Variants in WRN observed in about 807,000 individuals in gnomAD.
The protein encoded by WRN is bifunctional 3'-5' exonuclease/ATP-dependent helicase WRN.
A neutral mutation model predicts 180.7 loss-of-function variants in WRN; 149 were observed. The ratio of observed to expected loss-of-function variants is 0.82; its 90% CI spans 0.72 to 0.94. WRN has a LOEUF of 0.94. Ranked by LOEUF, WRN falls within the 40% of genes least tolerant of loss-of-function variation. The pLI, the probability that WRN is intolerant of heterozygous loss-of-function variation, is 0.00. For synonymous variants in WRN, 548 were observed against 568.9 expected, an observed-to-expected ratio of 0.96 and a Z score of 0.52; for missense variants, 1,661 against 1,700.1, an observed-to-expected ratio of 0.98 and a Z score of 0.40.
At position 31,141,431 on chromosome 8, in the gene WRN, A is replaced by G; in HGVS notation, c.2969A>G (p.Asn990Ser). Reference sequence around the variant, plus strand: ...TACTGATTTTATTCCTAATTTCAGAATTCTCAGCGTCTTGCCGATCAATAT... The same window carrying G: ...TACTGATTTTATTCCTAATTTCAGAGTTCTCAGCGTCTTGCCGATCAATAT... ...GLPILFLRGS[N>S]SQRLADQYRR... The change falls in exon 25 of 35, where the codon AAT (asparagine) becomes AGT (serine). Residue 990 changes from asparagine (N) to serine (S), a missense_variant and splice_region_variant. Coordinates refer to ENST00000298139, the MANE Select transcript of WRN (RefSeq NM_000553.6). 1 of 1,614,166 alleles carries G rather than the reference A, an allele frequency of 6.2e-7. No individual in the cohort carries two copies. Among genetic ancestry groups the G allele is most frequent in the Non-Finnish European group, 8.5e-7 (1 of 1,180,034 alleles).
At chr8:31,110,888 T>C (rs1801286145) in intron 18 of WRN, among the ~76,000 whole-genome samples, 1 of 152,192 alleles carries the variant, frequency 6.6e-6, no homozygotes, top group South Asian at 2.1e-4. Context: ...GTTCTAGTTT[T>C]AGGGGAGGCA....
intron 1 of WRN, among the ~76,000 whole-genome samples, chr8:31,042,889 T>A (rs1380570867): frequency 6.6e-6 from 1 of 152,206 alleles, no homozygotes; most frequent in Non-Finnish European, 1.5e-5. Flanking sequence ...AATAGGGAAT[T>A]GTTAAATTAT....
At chr8:31,147,003 A>G (rs370318914) in intron 28 of WRN, 50 bp from the exon 29 acceptor site, 90 of 1,474,466 alleles carry the variant, frequency 6.1e-5, no homozygotes, top group Non-Finnish European at 8.1e-5. Context: ...TAGAAAGTCA[A>G]TGAGGAGAAA....
chr8:31,061,310 T>A (rs1188070948), intron 3 of WRN, among the ~76,000 whole-genome samples: 4 of 152,100 alleles, frequency 2.6e-5, no homozygotes, highest in East Asian at 3.8e-4. Flanking sequence ...ATTTTGTTTA[T>A]CTCTAGAAGT....
chr8:31,072,497 G>A (rs966945463), intron 7 of WRN, among the ~76,000 whole-genome samples: 1 of 152,092 alleles, frequency 6.6e-6, no homozygotes, highest in African/African-American at 2.4e-5. Context: ...GAGTAGGTTA[G>A]ATCTGAGGAA....
intron 23 of WRN, among the ~76,000 whole-genome samples, chr8:31,125,535 G>GT (rs1563366155): frequency 4.6e-5 from 1 of 21,842 alleles, no homozygotes; most frequent in East Asian, 2.5e-3. Context: ...TGATATTATG[G>GT]AGATATATAT....
At position 31,081,500 on chromosome 8, in the gene WRN, C is replaced by G. The variant is rs2725381; in HGVS notation, c.1269+204C>G. Reference sequence around the variant, plus strand: ...CTGTCTTTCAATAAAACTTTATCTACAAATACAGATAGTGGGCCACATTTG... The same window carrying G: ...CTGTCTTTCAATAAAACTTTATCTAGAAATACAGATAGTGGGCCACATTTG... On this transcript the variant is annotated intron_variant, in intron 9 of 34. Transcript: ENST00000298139. 0.047 allele frequency among the ~76,000 whole-genome samples: 7,186 copies of G among 152,264 alleles called. 441 individuals carry two copies. The highest frequency in any genetic ancestry group is 0.27 in the East Asian group (1,377 of 5,172).
chr8:31,165,669 G>A (rs1473377828), intron 33 of WRN, among the ~76,000 whole-genome samples: 2 of 152,054 alleles, frequency 1.3e-5, no homozygotes, highest in Non-Finnish European at 2.9e-5. Flanking sequence ...TACTTGATCT[G>A]TGTTTAGCTT....
In WRN at chr8:31,120,339, T is replaced by C. The variant is rs757089385; in HGVS notation, c.2545T>C (p.Tyr849His). ...YGAPKDMESYYQEIGRAGRDG... is the reference protein window; with the variant it reads ...YGAPKDMESYHQEIGRAGRDG... ...TGCTCCTAAGGACATGGAATCATAT[T>C]ATCAGGAGATTGGTAGAGCTGGTCG... Residue 849 changes from tyrosine to histidine, a missense_variant, in exon 21 of 35, where the codon TAT (tyrosine) becomes CAT (histidine). By Grantham distance (83) the Tyr-to-His change is moderately conservative (BLOSUM62 2). This residue lies in a region of WRN where 1,141 missense variants were observed against 1,149.4 expected (regional missense o/e 0.99). Coordinates refer to ENST00000298139, the MANE Select transcript of WRN (RefSeq NM_000553.6). 6.2e-7 allele frequency: 1 copy of C among 1,613,052 alleles called. No homozygotes were observed. The highest frequency in any genetic ancestry group is 1.1e-5 in the South Asian group (1 of 91,044).
intron 21 of WRN, among the ~76,000 whole-genome samples, chr8:31,124,194 A>G (rs1801830500): frequency 6.6e-6 from 1 of 152,118 alleles, no homozygotes; most frequent in Admixed American, 6.6e-5. Context: ...TTTGAAGCCA[A>G]AAAGTGTGTG....
chr8:31,157,240 A>G, intron 32 of WRN, 128 bp from the exon 33 acceptor site: 1 of 1,347,002 alleles, frequency 7.4e-7, no homozygotes, highest in Non-Finnish European at 1.0e-6. Context: ...GAAAAACTTA[A>G]GTAAAGGTTT....
chr8:31,087,318 T>G (rs1046434328), intron 11 of WRN, among the ~76,000 whole-genome samples: 19 of 152,258 alleles, frequency 1.2e-4, no homozygotes, highest in Non-Finnish European at 2.4e-4. Flanking sequence ...TTTGTTGTTT[T>G]GACAATTCCA....
chr8:31,123,152 A>G (rs929197371), intron 21 of WRN, among the ~76,000 whole-genome samples: 3 of 152,010 alleles, frequency 2.0e-5, no homozygotes, highest in Non-Finnish European at 4.4e-5. Flanking sequence ...GACTTCCCTT[A>G]GAATCATCCC....
chr8:31,152,546 TA>T (rs1010465043), intron 31 of WRN, among the ~76,000 whole-genome samples: 68 of 142,760 alleles, frequency 4.8e-4, no homozygotes, highest in Middle Eastern at 3.5e-3. Context: ...CAATAAACCT[TA>T]AAAAAAAAAA....
intron 23 of WRN, among the ~76,000 whole-genome samples, chr8:31,130,828 A>C (rs1213811742): frequency 6.6e-6 from 1 of 152,186 alleles, no homozygotes; most frequent in Non-Finnish European, 1.5e-5. Flanking sequence ...CTAATTGAAC[A>C]AGGTATGCAA....
chr8:31,098,248 T>C (rs1362294470), intron 17 of WRN, among the ~76,000 whole-genome samples: 1 of 152,234 alleles, frequency 6.6e-6, no homozygotes, highest in African/African-American at 2.4e-5. Flanking sequence ...TATTTCACTT[T>C]GGATTAAGAA....
chr8:31,175,482 C>G lies in WRN; in HGVS notation c.*2380C>G, dbSNP rs1280761175. Among the ~76,000 whole-genome samples, 1 of 152,102 alleles carries G rather than the reference C, an allele frequency of 6.6e-6. No individual in the cohort carries two copies. Among genetic ancestry groups the G allele is most frequent in the Non-Finnish European group, 1.5e-5 (1 of 68,006 alleles). On this transcript the variant is annotated 3_prime_UTR_variant, in exon 35 of 35. Coordinates refer to ENST00000298139, the MANE Select transcript of WRN (RefSeq NM_000553.6). Reference sequence around the variant, plus strand: ...CTGGGTAAAAGATCTGTTCAGAGTACAAGATGGACCAATGGATTTGATATA... The same window carrying G: ...CTGGGTAAAAGATCTGTTCAGAGTAGAAGATGGACCAATGGATTTGATATA...
Position 31,141,723 on chromosome 8 carries a change from C to T in WRN, c.3181C>T (p.Leu1061Phe), listed in dbSNP as rs1255162714. The T allele has an allele frequency of 6.2e-7, 1 of 1,614,136 alleles. No individual in the cohort carries two copies. Among genetic ancestry groups the T allele is most frequent in the Admixed American group, 1.7e-5 (1 of 60,026 alleles). Reference sequence around the variant, plus strand: ...TAAAGCTAATACAGAATCTCAGAGCCTCATCCTTCAAGCTAATGAAGAATT... The same window carrying T: ...TAAAGCTAATACAGAATCTCAGAGCTTCATCCTTCAAGCTAATGAAGAATT... ...LHKANTESQS[L>F]ILQANEELCP... Residue 1061 changes from leucine (L) to phenylalanine (F), a missense_variant, in exon 26 of 35, where the codon CTC becomes TTC. Physicochemically the swap from Leu to Phe is conservative, Grantham distance 22. Around this residue, in one of 3 missense-constraint regions of WRN, gnomAD observed 1,141 missense variants for 1,149.4 expected, o/e 0.99. Coordinates refer to ENST00000298139, the MANE Select transcript of WRN (RefSeq NM_000553.6).
intron 30 of WRN, among the ~76,000 whole-genome samples, chr8:31,150,029 A>G (rs578163908): frequency 6.6e-6 from 1 of 152,318 alleles, no homozygotes; most frequent in East Asian, 1.9e-4. Flanking sequence ...GACAATAAAA[A>G]TAATAATAAA....
Sources: allele counts gnomAD v4.1 joint callset (sites outside exome capture counted in the v4.1 genomes callset), GRCh38; gene constraint gnomAD v4.1.1; regional missense constraint gnomAD v4.1.1; transcripts MANE v1.5; gene names NCBI Gene and HGNC (gene_info 2026-07-23, HGNC 2026-07-21).